The following PTPN9 variants were observed in gnomAD, a reference collection of about 807,000 sequenced individuals.
PTPN9 encodes tyrosine-protein phosphatase non-receptor type 9.
Under a neutral mutation model 69.8 loss-of-function variants are expected in PTPN9, and 26 were observed. The observed-to-expected ratio is 0.37, with a 90% CI of 0.27 to 0.52. The LOEUF is 0.52. Among genes scored for constraint, PTPN9 ranks in the 20% least tolerant of loss-of-function variants. The probability of loss-of-function intolerance (pLI) is 0.91; values close to 1 mark genes in which losing one functional copy is unlikely to be tolerated. For synonymous variants in PTPN9, 274 were observed against 272.5 expected (o/e 1.01, Z -0.05); for missense variants, 549 against 740.3 (o/e 0.74, Z 3.00).
chr15:75,555,647 G>A (rs1324215561), intron 1 of PTPN9, among the ~76,000 whole-genome samples: 1 of 151,940 alleles, frequency 6.6e-6, no homozygotes, highest in Non-Finnish European at 1.5e-5. Flanking sequence ...TGGGATTACA[G>A]GCGTGCACCA....
At chr15:75,527,345 C>A in intron 1 of PTPN9, 84 bp from the exon 2 acceptor site, 7 of 1,493,742 alleles carry the variant, frequency 4.7e-6, no homozygotes, top group Non-Finnish European at 6.4e-6. Context: ...AAACTATCAT[C>A]CCTTCTCCAA....
At position 75,464,402 on chromosome 15, in the gene PTPN9, T is replaced by C. The variant is rs1396014243; in HGVS notation, c.*4367A>G. On this transcript the variant is annotated 3_prime_UTR_variant, in exon 13 of 13. Transcript: ENST00000618819. ...AGGCAACAGAGTGAGACTCTGTCTC[T>C]GAAAGTAAAAAAAATGAAAAGTGGG... 1 of 152,128 alleles carries C rather than the reference T, an allele frequency of 6.6e-6. No homozygotes were observed. The highest frequency in any genetic ancestry group is 1.5e-5 in the Non-Finnish European group (1 of 68,094). The allele number at this position is 152,128 out of a possible 1,614,324, so 9.4% of individuals were successfully genotyped here. A position where few individuals can be genotyped will look rare whatever the true frequency, so the allele number is the denominator to read the frequency against.
intron 8 of PTPN9, among the ~76,000 whole-genome samples, chr15:75,485,080 C>T (rs537526770): frequency 2.6e-5 from 4 of 152,148 alleles, no homozygotes; most frequent in Non-Finnish European, 5.9e-5. Context: ...CCTACCCTGA[C>T]TCAGACAACT....
At chr15:75,535,726 AC>A (rs2074979972) in intron 1 of PTPN9, among the ~76,000 whole-genome samples, 1 of 152,252 alleles carries the variant, frequency 6.6e-6, no homozygotes, top group Admixed American at 6.5e-5. Context: ...TCCTCTCATG[AC>A]CTGTTTCCCC....
chr15:75,538,857 T>C (rs1035463595), intron 1 of PTPN9, among the ~76,000 whole-genome samples: 32 of 152,170 alleles, frequency 2.1e-4, no homozygotes, highest in African/African-American at 7.7e-4. Flanking sequence ...CTGGTAATAA[T>C]GGTCACCTCT....
At chr15:75,470,863 T>G in intron 10 of PTPN9, 33 bp from the exon 11 acceptor site, 1 of 1,608,612 alleles carries the variant, frequency 6.2e-7, no homozygotes. Flanking sequence ...AAGCCTTCCA[T>G]CGTTCCTCTC....
At chr15:75,530,501 A>G (rs1432721053) in intron 1 of PTPN9, among the ~76,000 whole-genome samples, 3 of 86,986 alleles carry the variant, frequency 3.4e-5, no homozygotes, top group African/African-American at 4.8e-5. Context: ...AATATATTAT[A>G]TTATAATATA....
At chr15:75,503,490 G>A (rs1293319333) in intron 7 of PTPN9, among the ~76,000 whole-genome samples, 798 of 123,314 alleles carry the variant, frequency 6.5e-3, no homozygotes, top group Middle Eastern at 0.015. Flanking sequence ...CAGCCACCCC[G>A]TCTGGGAAGT....
At chr15:75,505,472 A>G (rs535790305) in intron 7 of PTPN9, among the ~76,000 whole-genome samples, 1 of 146,898 alleles carries the variant, frequency 6.8e-6, no homozygotes, top group East Asian at 1.9e-4. Context: ...ATAAAAATTT[A>G]AAAAAAAAAG....
At chr15:75,492,059 GAA>G (rs1311857786) in intron 7 of PTPN9, among the ~76,000 whole-genome samples, 1 of 152,092 alleles carries the variant, frequency 6.6e-6, no homozygotes, top group African/African-American at 2.4e-5. Context: ...TTTTTGTAGA[GAA>G]AGGGTTTTGC....
At chr15:75,470,653 G>A (rs1184874325) in intron 11 of PTPN9, 27 bp downstream of exon 11, 6 of 1,605,564 alleles carry the variant, frequency 3.7e-6, no homozygotes, top group Non-Finnish European at 5.1e-6. Flanking sequence ...GTTTCAACAA[G>A]GTGAGAAAAA....
In PTPN9 at chr15:75,559,783, A is replaced by AAAG. The variant is rs1555457335; in HGVS notation, c.63+18928_63+18930dup. ...GAATGGTCAACAAAAAAAAAAAAAAAAAGAAGAAAGAAAATATTTGGGGTG... is the reference window on the plus strand; with the variant it reads ...GAATGGTCAACAAAAAAAAAAAAAAAAAGAAGAAGAAAGAAAATATTTGGGGTG... On this transcript the variant is annotated intron_variant, in intron 1 of 12. Coordinates refer to ENST00000618819, the MANE Select transcript of PTPN9 (RefSeq NM_002833.4). 6.4e-3 allele frequency among the ~76,000 whole-genome samples: 915 copies of AAAG among 142,562 alleles called. 26 individuals carry two copies. Among genetic ancestry groups the AAAG allele is most frequent in the African/African-American group, 0.022 (848 of 38,834 alleles). The allele number at this position is 142,562 out of a possible 152,430, so 93.5% of individuals were successfully genotyped here.
In PTPN9 at chr15:75,563,451, G is replaced by A. The variant is rs145311698; in HGVS notation, c.63+15263C>T. Among the ~76,000 whole-genome samples the A allele has an allele frequency of 1.4e-4, 22 of 152,274 alleles. No individual in the cohort carries two copies. In the South Asian group the frequency reaches 1.5e-3, roughly 10 times the overall value. On this transcript the variant is annotated intron_variant, in intron 1 of 12. Coordinates refer to ENST00000618819, the MANE Select transcript of PTPN9 (RefSeq NM_002833.4). ...GATCCATCTGCCTCAGCCTCCCAAA[G>A]TGCTGGGATTACAGGCGTGAGCCCA...
intron 1 of PTPN9, among the ~76,000 whole-genome samples, chr15:75,548,820 A>G (rs2075045212): frequency 6.6e-6 from 1 of 151,338 alleles, no homozygotes; most frequent in African/African-American, 2.4e-5. Context: ...CGCCCGGCTA[A>G]TTTTTTGTAT....
At chr15:75,574,132 A>C (rs2075161060) in intron 1 of PTPN9, among the ~76,000 whole-genome samples, 1 of 152,060 alleles carries the variant, frequency 6.6e-6, no homozygotes, top group South Asian at 2.1e-4. Context: ...CAAAAGTTGC[A>C]ATTTGATCTC....
At chr15:75,503,593 T>TG (rs1403517709) in intron 7 of PTPN9, among the ~76,000 whole-genome samples, 3 of 103,584 alleles carry the variant, frequency 2.9e-5, no homozygotes, top group South Asian at 3.2e-4. Context: ...GGGAGGGAGG[T>TG]GGGGGGGTCA....
intron 8 of PTPN9, among the ~76,000 whole-genome samples, 189 bp downstream of exon 8, chr15:75,490,019 A>T (rs1057241565): frequency 1.3e-5 from 2 of 152,208 alleles, no homozygotes; most frequent in Non-Finnish European, 2.9e-5. Context: ...ATTTCCACTC[A>T]ATACTGTGAG....
intron 5 of PTPN9, among the ~76,000 whole-genome samples, chr15:75,510,915 T>C (rs982830414): frequency 8.5e-5 from 13 of 152,228 alleles, no homozygotes; most frequent in African/African-American, 2.4e-4. Context: ...TTCTACTTTC[T>C]GTCTCTATGA....
intron 7 of PTPN9, among the ~76,000 whole-genome samples, chr15:75,498,731 A>G (rs1185457573): frequency 6.6e-6 from 1 of 152,124 alleles, no homozygotes; most frequent in East Asian, 1.9e-4. Flanking sequence ...ATAAGTAAAT[A>G]AAAATAAAAA....
Sources: allele counts gnomAD v4.1 joint callset (sites outside exome capture counted in the v4.1 genomes callset), GRCh38; gene constraint gnomAD v4.1.1; transcripts MANE v1.5; gene names NCBI Gene and HGNC (gene_info 2026-07-23, HGNC 2026-07-21).